The following DPEP1 variants were observed in gnomAD, a reference collection of about 807,000 sequenced individuals.
DPEP1 encodes the protein dipeptidase 1, also known as beta-lactamase.
DPEP1 carries 50 observed loss-of-function variants against 42.3 expected under a neutral mutation model. The ratio of observed to expected loss-of-function variants is 1.18; its 90% CI spans 0.94 to 1.50. DPEP1 has a LOEUF of 1.50. Among genes scored for constraint, DPEP1 ranks in the 40% most tolerant of loss-of-function variants. The pLI is 0.00. For synonymous variants in DPEP1, 297 were observed against 234.0 expected (o/e 1.27, Z -2.46); for missense variants, 663 against 553.0 (o/e 1.20, Z -1.99).
chr16:89,631,617 A>G (rs1237704344), intron 2 of DPEP1, among the ~76,000 whole-genome samples: 1 of 152,210 alleles, frequency 6.6e-6, no homozygotes, highest in Non-Finnish European at 1.5e-5. Flanking sequence ...GCACTTTGGG[A>G]GGCCGAGGCG....
chr16:89,632,211 G>T (rs749040128), intron 2 of DPEP1, among the ~76,000 whole-genome samples: 1 of 152,080 alleles, frequency 6.6e-6, no homozygotes, highest in Non-Finnish European at 1.5e-5. Context: ...CACCAAGCCC[G>T]GCTAATTTTT....
chr16:89,633,800 G>A (rs2059621407), intron 2 of DPEP1, among the ~76,000 whole-genome samples: 1 of 108,742 alleles, frequency 9.2e-6, no homozygotes, highest in South Asian at 2.6e-4. Flanking sequence ...GCACAGGGAT[G>A]GGTCTGGAAA....
Position 89,637,255 on chromosome 16 carries a change from G to T in DPEP1, c.643G>T (p.Val215Leu). The T allele has an allele frequency of 4.3e-6, 7 of 1,612,746 alleles. No individual in the cohort carries two copies. Among genetic ancestry groups the T allele is most frequent in the Non-Finnish European group, 5.9e-6 (7 of 1,179,966 alleles). ...GGGGGTCCTCATCGACTTGGCTCAC[G>T]TGTCTGTGGCCACCATGAAGGCCAC... is the stretch of plus-strand genomic sequence containing the variant. ...RLGVLIDLAHVSVATMKATLQ... is the reference protein window; with the variant it reads ...RLGVLIDLAHLSVATMKATLQ... Residue 215 changes from valine to leucine, a missense_variant, in exon 7 of 11, where the codon GTG becomes TTG. Physicochemically the swap from Val to Leu is conservative, Grantham distance 32. Coordinates refer to ENST00000690203, the MANE Select transcript of DPEP1 (RefSeq NM_001389466.1).
chr16:89,634,240 C>T (rs1247569903), intron 2 of DPEP1, among the ~76,000 whole-genome samples: 1 of 151,976 alleles, frequency 6.6e-6, no homozygotes, highest in Non-Finnish European at 1.5e-5. Context: ...AGGCACCCGC[C>T]ACCACTCCCG....
chr16:89,638,456 A>T (rs1325703729), downstream of DPEP1: 2 of 1,308,296 alleles, frequency 1.5e-6, no homozygotes, highest in African/African-American at 3.0e-5. Context: ...TGTCATCGGC[A>T]TCCGGCTCAG....
chr16:89,634,344 C>G (rs985359511), intron 2 of DPEP1, among the ~76,000 whole-genome samples: 5 of 152,118 alleles, frequency 3.3e-5, no homozygotes, highest in Admixed American at 2.6e-4. Context: ...ACCTCGGCCT[C>G]CCAAAGTGCT....
At chr16:89,627,779 G>C (rs1264519262) in intron 1 of DPEP1, among the ~76,000 whole-genome samples, 1 of 135,530 alleles carries the variant, frequency 7.4e-6, no homozygotes, top group African/African-American at 2.8e-5. Context: ...TCCTCCAAAA[G>C]CCTCCAAGTA....
chr16:89,634,381 C>T (rs1317405406), intron 2 of DPEP1, among the ~76,000 whole-genome samples: 3 of 152,144 alleles, frequency 2.0e-5, no homozygotes, highest in African/African-American at 7.2e-5. Flanking sequence ...GCCACCCTGC[C>T]TGGCCTGAGA....
intron 2 of DPEP1, among the ~76,000 whole-genome samples, 195 bp from the exon 3 acceptor site, chr16:89,635,713 G>A (rs138670817): frequency 2.0e-5 from 3 of 152,278 alleles, no homozygotes; most frequent in African/African-American, 7.2e-5. Context: ...CTGGGGGTGG[G>A]CACAGTTGGG....
At position 89,637,841 on chromosome 16, in the gene DPEP1, C is replaced by A; in HGVS notation, c.935C>A (p.Pro312His). ...TTCTCCTGGCCTCAACACAGGGTCC[C>A]TGAGGGGCTGGAGGACGTCTCCAAG... ...GGDFDGVPRV[P>H]EGLEDVSKYP... Residue 312 changes from proline (P) to histidine (H), a missense_variant, in exon 10 of 11, where the codon CCT becomes CAT. Transcript: ENST00000690203. The A allele has an allele frequency of 6.2e-7, 1 of 1,612,772 alleles. No individual in the cohort carries two copies. Among genetic ancestry groups the A allele is most frequent in the South Asian group, 1.1e-5 (1 of 91,088 alleles).
chr16:89,634,140 G>C (rs1345074447), intron 2 of DPEP1, among the ~76,000 whole-genome samples: 4 of 144,614 alleles, frequency 2.8e-5, no homozygotes, highest in Non-Finnish European at 6.0e-5. Flanking sequence ...CCAGGCTGGA[G>C]TGCAGTGGTG....
chr16:89,621,297 G>T (rs375331491), intron 1 of DPEP1, among the ~76,000 whole-genome samples: 3 of 151,940 alleles, frequency 2.0e-5, no homozygotes, highest in South Asian at 2.1e-4. Context: ...GGGCAACCGT[G>T]GGGGGCCTGG....
At chr16:89,620,025 C>T (rs1245314272) in intron 1 of DPEP1, among the ~76,000 whole-genome samples, 1 of 148,406 alleles carries the variant, frequency 6.7e-6, no homozygotes, top group African/African-American at 2.5e-5. Context: ...TGAGTATGCC[C>T]CCCTCCCGCC....
chr16:89,637,639 G>A lies in DPEP1; in HGVS notation c.861G>A (p.Leu287=). Reference sequence around the variant, plus strand: ...CTGCTGCTCCCTGGACAGACCATCTGGATCACATCAAGGAGGTGGCAGGAG... The same window carrying A: ...CTGCTGCTCCCTGGACAGACCATCTAGATCACATCAAGGAGGTGGCAGGAG... ...KANLSQVADH[L]DHIKEVAGAR... The change falls in exon 9 of 11, where the codon CTG becomes CTA. Residue 287 remains leucine (L), a synonymous_variant. Coordinates refer to ENST00000690203, the MANE Select transcript of DPEP1 (RefSeq NM_001389466.1). The A allele has an allele frequency of 6.2e-7, 1 of 1,612,976 alleles. No individual in the cohort carries two copies. The highest frequency in any genetic ancestry group is 8.5e-7 in the Non-Finnish European group (1 of 1,179,996).
intron 1 of DPEP1, chr16:89,616,912 C>T (rs1038897236): frequency 4.4e-6 from 1 of 226,158 alleles, no homozygotes. Flanking sequence ...GGCCAGGAAG[C>T]GGGTAGGAAG....
intron 1 of DPEP1, 96 bp downstream of exon 1, chr16:89,613,815 C>G (rs938892019): frequency 6.2e-6 from 1 of 161,070 alleles, no homozygotes; most frequent in Non-Finnish European, 1.4e-5. Context: ...TGGGTGGAAG[C>G]TGGGACCAGG....
Position 89,638,161 on chromosome 16 carries a change from G to A in DPEP1, c.1175G>A (p.Arg392His), listed in dbSNP as rs774400088. Residue 392 changes from arginine (R) to histidine (H), a missense_variant, in exon 11 of 11, where the codon CGC becomes CAC. Transcript: ENST00000690203. Reference sequence around the variant, plus strand: ...TCCTCTGGGGCTTCCAGCCTCCATCGCCACTGGGGGCTCCTGCTGGCCTCC... The same window carrying A: ...TCCTCTGGGGCTTCCAGCCTCCATCACCACTGGGGGCTCCTGCTGGCCTCC... ...GYSSGASSLH[R>H]HWGLLLASLA... 33 of 1,606,892 alleles carry A rather than the reference G, an allele frequency of 2.1e-5. No individual in the cohort carries two copies. The highest frequency in any genetic ancestry group is 1.7e-4 in the Middle Eastern group (1 of 6,004).
At chr16:89,635,403 A>G (rs1474313506) in intron 2 of DPEP1, among the ~76,000 whole-genome samples, 1 of 152,160 alleles carries the variant, frequency 6.6e-6, no homozygotes, top group Non-Finnish European at 1.5e-5. Context: ...CCTGTACTCG[A>G]CACCCTGCTC....
rs867520371 is a variant in DPEP1, at chr16:89,630,284, C to T, written c.-106-21C>T. The T allele has an allele frequency of 6.9e-5, 46 of 663,330 alleles. No individual in the cohort carries two copies. In the Middle Eastern group the frequency reaches 2.1e-3, roughly 30 times the overall value. The allele number at this position is 663,330 out of a possible 1,614,324, so 41.1% of individuals were successfully genotyped here. A position where few individuals can be genotyped will look rare whatever the true frequency, so the allele number is the denominator to read the frequency against. Reference sequence around the variant, plus strand: ...CACCTGTCATCACTTCCACCCACACCTCTGGTGCCTCTCCTGGCAGGCAGA... The same window carrying T: ...CACCTGTCATCACTTCCACCCACACTTCTGGTGCCTCTCCTGGCAGGCAGA... On this transcript the variant is annotated intron_variant, in intron 1 of 10. Transcript: ENST00000690203.
Sources: allele counts gnomAD v4.1 joint callset (sites outside exome capture counted in the v4.1 genomes callset), GRCh38; gene constraint gnomAD v4.1.1; transcripts MANE v1.5; gene names NCBI Gene and HGNC (gene_info 2026-07-23, HGNC 2026-07-21).